Variants in KIF16B observed in about 807,000 individuals in gnomAD.
KIF16B encodes the protein kinesin-like protein KIF16B.
Under a neutral mutation model 156.3 loss-of-function variants are expected in KIF16B, and 98 were observed. That is an observed-to-expected ratio of 0.63 (90% CI 0.53 to 0.74). KIF16B has a LOEUF of 0.74. KIF16B is among the 30% of genes least tolerant of loss of function. The pLI is 0.00. For synonymous variants in KIF16B, 564 were observed against 583.7 expected, an observed-to-expected ratio of 0.97 and a Z score of 0.49; for missense variants, 1,421 against 1,606.5, an observed-to-expected ratio of 0.88 and a Z score of 1.97.
At chr20:16,331,173 G>C (rs1415210719) in intron 24 of KIF16B, among the ~76,000 whole-genome samples, 2 of 152,192 alleles carry the variant, frequency 1.3e-5, no homozygotes, top group East Asian at 1.9e-4. Context: ...CTGAGGGTTA[G>C]ATTAAGAAGA....
chr20:16,403,077 T>C (rs965004608), intron 17 of KIF16B, among the ~76,000 whole-genome samples: 2 of 152,182 alleles, frequency 1.3e-5, no homozygotes, highest in African/African-American at 2.4e-5. Flanking sequence ...TGAATAGCCA[T>C]ATTACATTAG....
intron 1 of KIF16B, among the ~76,000 whole-genome samples, chr20:16,551,165 C>CT (rs756081640): frequency 1.1e-4 from 15 of 136,396 alleles, no homozygotes; most frequent in Admixed American, 4.8e-4. Context: ...CAGTTTTGCT[C>CT]TTGTTGCCTA....
At chr20:16,506,662 T>A (rs1202805961) in intron 7 of KIF16B, among the ~76,000 whole-genome samples, 2 of 152,222 alleles carry the variant, frequency 1.3e-5, no homozygotes, top group African/African-American at 2.4e-5. Context: ...TGTAAAATCT[T>A]AAATACTATA....
chr20:16,502,302 C>A (rs980506470), intron 10 of KIF16B, among the ~76,000 whole-genome samples: 1 of 152,008 alleles, frequency 6.6e-6, no homozygotes, highest in African/African-American at 2.4e-5. Context: ...AGCAATACTC[C>A]CAGAAAAATG....
chr20:16,527,974 G>T, intron 2 of KIF16B, among the ~76,000 whole-genome samples: 1 of 151,602 alleles, frequency 6.6e-6, no homozygotes, highest in East Asian at 1.9e-4. Context: ...CTTCTTCAAG[G>T]ATTACCAAAC....
At chr20:16,345,919 C>G (rs1432316342) in intron 23 of KIF16B, among the ~76,000 whole-genome samples, 1 of 152,208 alleles carries the variant, frequency 6.6e-6, no homozygotes, top group Non-Finnish European at 1.5e-5. Flanking sequence ...TCCTCTGGCT[C>G]CATTAGGGAC....
intron 1 of KIF16B, among the ~76,000 whole-genome samples, chr20:16,559,605 C>CAA (rs11405074): frequency 8.1e-5 from 12 of 148,162 alleles, no homozygotes; most frequent in Middle Eastern, 3.5e-3. Flanking sequence ...CCCATCTCTA[C>CAA]AAAAAAAAAA....
intron 1 of KIF16B, among the ~76,000 whole-genome samples, chr20:16,547,163 G>T (rs889719780): frequency 1.3e-5 from 2 of 152,164 alleles, no homozygotes; most frequent in Non-Finnish European, 2.9e-5. Flanking sequence ...TAAGCATGCT[G>T]TGTCCTTCCT....
intron 25 of KIF16B, among the ~76,000 whole-genome samples, chr20:16,297,764 C>T (rs868539790): frequency 1.3e-5 from 2 of 151,876 alleles, no homozygotes; most frequent in Non-Finnish European, 2.9e-5. Flanking sequence ...CATCACTGGT[C>T]CCCAGGTCTC....
chr20:16,563,287 G>C (rs568399133), intron 1 of KIF16B, among the ~76,000 whole-genome samples: 1 of 152,294 alleles, frequency 6.6e-6, no homozygotes, highest in South Asian at 2.1e-4. Context: ...GTCCAAGCCA[G>C]TGCTGACCAA....
rs1002241886 is a variant in KIF16B, at chr20:16,427,194, T to A, written c.1522A>T (p.Ile508Phe). 3 of 1,612,984 alleles carry A rather than the reference T, an allele frequency of 1.9e-6. No individual in the cohort carries two copies. The highest frequency in any genetic ancestry group is 2.2e-5 in the East Asian group (1 of 44,816). The change falls in exon 15 of 26, where the codon ATC (isoleucine) becomes TTC (phenylalanine). Residue 508 changes from isoleucine (I) to phenylalanine (F), a missense_variant. Physicochemically the swap from Ile to Phe is conservative, Grantham distance 21 (BLOSUM62 0). Coordinates refer to ENST00000354981, the MANE Select transcript of KIF16B (RefSeq NM_024704.5). ...GGTATCAGAGTCACTGTCCCCCCGA[T>A]ATTTTCAAAGATGCAATGCTCACTC... ...LESEHCIFEN[I>F]GGTVTLIPLS...
intron 17 of KIF16B, among the ~76,000 whole-genome samples, chr20:16,399,158 C>T (rs184423767): frequency 8.5e-5 from 13 of 152,162 alleles, no homozygotes; most frequent in South Asian, 8.3e-4. Context: ...CTCCAGACTC[C>T]GCACTTCTCA....
chr20:16,328,805 T>C (rs2063899496), intron 24 of KIF16B, among the ~76,000 whole-genome samples: 1 of 152,124 alleles, frequency 6.6e-6, no homozygotes. Context: ...TTCTGTGTTC[T>C]CACATGGCAG....
chr20:16,559,778 T>G (rs1226209086), intron 1 of KIF16B, among the ~76,000 whole-genome samples: 1 of 84,340 alleles, frequency 1.2e-5, no homozygotes, highest in Non-Finnish European at 2.2e-5. Context: ...AAAGACCTTG[T>G]CTCAAAAAAA....
intron 12 of KIF16B, among the ~76,000 whole-genome samples, chr20:16,447,866 G>A (rs1007081652): frequency 2.0e-5 from 3 of 152,092 alleles, no homozygotes; most frequent in Non-Finnish European, 4.4e-5. Flanking sequence ...AGCTACTCAG[G>A]AGGCTGAGGT....
chr20:16,408,313 T>C (rs2065837213), intron 15 of KIF16B, among the ~76,000 whole-genome samples: 1 of 152,138 alleles, frequency 6.6e-6, no homozygotes, highest in Non-Finnish European at 1.5e-5. Flanking sequence ...CAGCAGATAT[T>C]ATCCACTCTA....
intron 12 of KIF16B, among the ~76,000 whole-genome samples, chr20:16,445,013 A>G (rs2146554152): frequency 6.6e-6 from 1 of 152,254 alleles, no homozygotes; most frequent in African/African-American, 2.4e-5. Context: ...TGCATTTACT[A>G]TAGATTGTGA....
intron 23 of KIF16B, among the ~76,000 whole-genome samples, chr20:16,338,963 A>G (rs570920953): frequency 2.1e-4 from 32 of 152,338 alleles, no homozygotes; most frequent in African/African-American, 6.3e-4. Context: ...TGACATCAAA[A>G]ATTTTTCAGG....
At chr20:16,338,726 C>T (rs1298697943) in intron 23 of KIF16B, among the ~76,000 whole-genome samples, 2 of 152,162 alleles carry the variant, frequency 1.3e-5, no homozygotes, top group Non-Finnish European at 2.9e-5. Flanking sequence ...GAATAACACG[C>T]CACCAAACAG....
Sources: gnomAD v4.1 joint callset for allele counts (sites outside exome capture counted in the v4.1 genomes callset) on GRCh38, gnomAD v4.1.1 for gene constraint, MANE v1.5 for transcripts, NCBI Gene and HGNC (gene_info 2026-07-23, HGNC 2026-07-21) for gene names.